Variants in CALN1 observed in about 807,000 individuals in gnomAD.
CALN1 encodes calcium-binding protein 8.
In CALN1, 17 loss-of-function variants were observed where a neutral mutation model predicts 30.6. The observed-to-expected ratio is 0.56, with a 90% CI of 0.38 to 0.83. CALN1 has a LOEUF of 0.83. CALN1 is among the 40% of genes least tolerant of loss of function. The pLI is 0.00. For missense variants in CALN1, 291 were observed against 354.9 expected (o/e 0.82, Z 1.45); for synonymous variants, 156 against 131.4 (o/e 1.19, Z -1.28).
rs79080648 is a variant in CALN1, at chr7:72,344,547, G to A, written c.119+58704C>T. ...CTAACTCTGGAGAACAAGTATTGAGGGGATAAATATATATATATATTTATT... is the reference window on the plus strand; with the variant it reads ...CTAACTCTGGAGAACAAGTATTGAGAGGATAAATATATATATATATTTATT... On this transcript the variant is annotated intron_variant, in intron 2 of 6. Transcript: ENST00000395275. Among the ~76,000 whole-genome samples the A allele has an allele frequency of 2.4e-3, 356 of 145,796 alleles. 2 individuals carry two copies. The highest frequency in any genetic ancestry group is 8.7e-3 in the African/African-American group (348 of 39,944).
intron 4 of CALN1, among the ~76,000 whole-genome samples, chr7:72,045,204 G>A (rs1802391434): frequency 6.6e-6 from 1 of 152,170 alleles, no homozygotes; most frequent in Non-Finnish European, 1.5e-5. Context: ...GGTCTCTGCA[G>A]GCACTACTAG....
At chr7:71,812,136 G>A (rs1276068423) in intron 5 of CALN1, among the ~76,000 whole-genome samples, 3 of 152,204 alleles carry the variant, frequency 2.0e-5, no homozygotes, top group Non-Finnish European at 4.4e-5. Flanking sequence ...TTCGGGCTGG[G>A]TCTCAGAATG....
chr7:71,905,292 T>G (rs140316546), intron 5 of CALN1, among the ~76,000 whole-genome samples: 11 of 152,216 alleles, frequency 7.2e-5, no homozygotes, highest in Middle Eastern at 3.4e-3. Context: ...TACAAGTGGC[T>G]TTTTGTTATA....
chr7:72,129,994 G>A (rs1363010483), intron 3 of CALN1, among the ~76,000 whole-genome samples: 6 of 152,126 alleles, frequency 3.9e-5, no homozygotes, highest in Non-Finnish European at 8.8e-5. Flanking sequence ...TCCCTCAGGG[G>A]TGAGTGAGTT....
intron 2 of CALN1, among the ~76,000 whole-genome samples, chr7:72,304,284 C>G (rs1474016414): frequency 7.9e-5 from 12 of 152,218 alleles, no homozygotes; most frequent in Admixed American, 7.9e-4. Context: ...CACGTTCTTC[C>G]TGTCTTTCAA....
At chr7:71,930,887 A>G (rs1261078523) in intron 5 of CALN1, among the ~76,000 whole-genome samples, 1 of 152,168 alleles carries the variant, frequency 6.6e-6, no homozygotes, top group African/African-American at 2.4e-5. Flanking sequence ...ACCCATGCCA[A>G]AGTCTTCTCT....
chr7:72,053,866 C>T (rs113546196), intron 4 of CALN1, among the ~76,000 whole-genome samples: 9,242 of 148,070 alleles, frequency 0.062, 929 homozygotes, highest in African/African-American at 0.21. Context: ...TTAGCTCTTA[C>T]GTATCGGTGA....
chr7:72,202,788 G>T (rs1249885502), intron 3 of CALN1, among the ~76,000 whole-genome samples: 1 of 152,150 alleles, frequency 6.6e-6, no homozygotes, highest in Non-Finnish European at 1.5e-5. Context: ...CATTATAGAA[G>T]ACAGTGTGGC....
At chr7:72,455,325 G>A in the CALN1 span, among the ~76,000 whole-genome samples, 343 of 96,784 alleles carry the variant, frequency 3.5e-3, 2 homozygotes, top group African/African-American at 0.017. Flanking sequence ...ATATATATGT[G>A]TGTGTGTGTG....
chr7:72,113,291 CCTCT>C (rs1276116962), intron 3 of CALN1, among the ~76,000 whole-genome samples: 1 of 151,534 alleles, frequency 6.6e-6, no homozygotes, highest in Non-Finnish European at 1.5e-5. Flanking sequence ...CTGGCACCTC[CCTCT>C]CTCTCTCTTG....
intron 4 of CALN1, among the ~76,000 whole-genome samples, chr7:72,030,525 G>A (rs1234847315): frequency 6.6e-6 from 1 of 152,058 alleles, no homozygotes; most frequent in Non-Finnish European, 1.5e-5. Flanking sequence ...AAAGTTATCA[G>A]CATTGTACCC....
the CALN1 span, among the ~76,000 whole-genome samples, chr7:72,503,455 T>C: frequency 6.6e-6 from 1 of 152,218 alleles, no homozygotes; most frequent in East Asian, 1.9e-4. Flanking sequence ...ACCAATCCCA[T>C]TTGGCACTCA....
intron 5 of CALN1, among the ~76,000 whole-genome samples, chr7:71,911,826 T>C (rs1432425192): frequency 1.3e-5 from 2 of 152,106 alleles, no homozygotes; most frequent in Admixed American, 6.5e-5. Context: ...CATTCTTACA[T>C]TGATAAAAAT....
intron 5 of CALN1, among the ~76,000 whole-genome samples, chr7:71,944,594 C>CCA (rs745989744): frequency 5.0e-5 from 3 of 60,004 alleles, no homozygotes; most frequent in Non-Finnish European, 8.8e-5. Flanking sequence ...AACTCCATCC[C>CCA]AAAAAAAAAA....
At chr7:72,349,521 A>T (rs562390707) in intron 2 of CALN1, among the ~76,000 whole-genome samples, 2 of 152,196 alleles carry the variant, frequency 1.3e-5, no homozygotes, top group Non-Finnish European at 2.9e-5. Flanking sequence ...TCCAGAAGAA[A>T]AAAAACATTA....
chr7:72,017,170 TAAAAAAAAAAAAA>T (rs58672373), intron 5 of CALN1, among the ~76,000 whole-genome samples: 8,298 of 88,132 alleles, frequency 0.094, 287 homozygotes, highest in Non-Finnish European at 0.13. Flanking sequence ...TCTCAAAAAT[TAAAAAAAAAAAAA>T]AAAAAAAAGA....
intron 2 of CALN1, among the ~76,000 whole-genome samples, chr7:72,394,939 T>G (rs1013929931): frequency 6.6e-6 from 1 of 152,164 alleles, no homozygotes; most frequent in Non-Finnish European, 1.5e-5. Context: ...ATTACAGGCA[T>G]GAGCCATCGT....
At chr7:72,164,286 T>C (rs1416306835) in intron 3 of CALN1, among the ~76,000 whole-genome samples, 2 of 149,796 alleles carry the variant, frequency 1.3e-5, no homozygotes, top group Non-Finnish European at 3.0e-5. Context: ...CAGAATCACT[T>C]GAACCTGGGA....
At chr7:72,393,026 G>C (rs887826363) in intron 2 of CALN1, among the ~76,000 whole-genome samples, 2 of 151,824 alleles carry the variant, frequency 1.3e-5, no homozygotes, top group Admixed American at 6.6e-5. Flanking sequence ...CAAACACCAG[G>C]AGTGTGTTAG....
Sources: gnomAD v4.1 joint callset for allele counts (sites outside exome capture counted in the v4.1 genomes callset) on GRCh38, gnomAD v4.1.1 for gene constraint, MANE v1.5 for transcripts, NCBI Gene and HGNC (gene_info 2026-07-23, HGNC 2026-07-21) for gene names.